Variants in BPI observed in about 807,000 individuals in gnomAD.
The protein encoded by BPI is bactericidal permeability-increasing protein.
BPI carries 48 observed loss-of-function variants against 57.6 expected under a neutral mutation model. The observed-to-expected ratio is 0.83, with a 90% CI of 0.66 to 1.06. The LOEUF (loss-of-function observed/expected upper bound fraction) is 1.06. BPI is among the 50% of genes least tolerant of loss of function. The pLI is 0.00. For synonymous variants in BPI, 237 were observed against 238.2 expected (o/e 0.99, Z 0.05); for missense variants, 651 against 609.7 (o/e 1.07, Z -0.71).
At chr20:38,335,749 C>G in intron 14 of BPI, 75 bp downstream of exon 14, 11 of 1,441,482 alleles carry the variant, frequency 7.6e-6, no homozygotes, top group Non-Finnish European at 1.1e-5. Flanking sequence ...GCAATGCTTC[C>G]TGCATGCCAA....
Position 38,310,518 on chromosome 20 carries a change from C to G in BPI, c.402C>G (p.Ser134Arg), listed in dbSNP as rs754318437. The G allele has an allele frequency of 6.2e-7, 1 of 1,614,056 alleles. No individual in the cohort carries two copies. Among genetic ancestry groups the G allele is most frequent in the Non-Finnish European group, 8.5e-7 (1 of 1,179,936 alleles). Reference sequence around the variant, plus strand: ...AAATGAGCGGCAATTTTGACCTGAGCATAGAAGGCATGTCCATTTCGGCTG... The same window carrying G: ...AAATGAGCGGCAATTTTGACCTGAGGATAGAAGGCATGTCCATTTCGGCTG... The part of the protein sequence containing the change: ...FLKMSGNFDL[S>R]IEGMSISADL... The change falls in exon 4 of 15, where the codon AGC (serine) becomes AGG (arginine). Residue 134 changes from serine to arginine, a missense_variant. Coordinates refer to ENST00000642449, the MANE Select transcript of BPI (RefSeq NM_001725.3).
chr20:38,334,313 G>A (rs1229433256), intron 12 of BPI, 117 bp from the exon 13 acceptor site: 44 of 968,874 alleles, frequency 4.5e-5, no homozygotes, highest in Admixed American at 3.1e-4. Flanking sequence ...CCAACTGCGC[G>A]GTTGCTGAGC....
At position 38,308,915 on chromosome 20, in the gene BPI, A is replaced by G. The variant is rs775945607; in HGVS notation, c.246-15A>G. On this transcript the variant is annotated splice_polypyrimidine_tract_variant and intron_variant, in intron 2 of 14. Coordinates refer to ENST00000642449, the MANE Select transcript of BPI (RefSeq NM_001725.3). ...GTATATGAAATTATATGACATTCAC[A>G]TTTCTCCTTTGCAGCATGGACATCC... 3.1e-6 allele frequency: 5 copies of G among 1,614,006 alleles called. No individual in the cohort carries two copies. Among genetic ancestry groups the G allele is most frequent in the Non-Finnish European group, 4.2e-6 (5 of 1,179,926 alleles).
At chr20:38,320,897 G>A (rs1444184421) in intron 7 of BPI, among the ~76,000 whole-genome samples, 20 of 121,806 alleles carry the variant, frequency 1.6e-4, no homozygotes, top group Admixed American at 2.4e-4. Flanking sequence ...GTGGGTGGGT[G>A]GGTGGATGGA....
intron 6 of BPI, among the ~76,000 whole-genome samples, 157 bp downstream of exon 6, chr20:38,318,633 A>G (rs142021713): frequency 3.9e-4 from 59 of 152,304 alleles, no homozygotes; most frequent in African/African-American, 1.4e-3. Flanking sequence ...GGCAGCTAGC[A>G]TTGGGTCAAG....
In BPI at chr20:38,326,440, G is replaced by T; in HGVS notation, c.1161+8G>T. The stretch of plus-strand genomic sequence containing the variant: ...CTCTTCCTGATTGGCATGGTAAGCA[G>T]TTCCTGGGTTGGACAGATGAGGAGC... On this transcript the variant is annotated splice_region_variant and intron_variant, in intron 10 of 14. Transcript: ENST00000642449. 1 of 1,610,946 alleles carries T rather than the reference G, an allele frequency of 6.2e-7. No individual in the cohort carries two copies. The highest frequency in any genetic ancestry group is 8.5e-7 in the Non-Finnish European group (1 of 1,178,520).
Position 38,317,615 on chromosome 20 carries a change from G to A in BPI, c.601-798G>A, listed in dbSNP as rs749489674. 10 of 718,670 alleles carry A rather than the reference G, an allele frequency of 1.4e-5. No homozygotes were observed. In the South Asian group the frequency reaches 1.5e-4, roughly 11 times the overall value. 44.5% of individuals were successfully genotyped at this position (718,670 alleles called of 1,614,324 possible). A position where few individuals can be genotyped will look rare whatever the true frequency, so the allele number is the denominator to read the frequency against. The stretch of plus-strand genomic sequence containing the variant: ...AAGTTACACAAAGGTCAGGTGTATT[G>A]TTGTGTTCTGTTGCTTAGAAGCAAG... On this transcript the variant is annotated intron_variant, in intron 5 of 14. Coordinates refer to ENST00000642449, the MANE Select transcript of BPI (RefSeq NM_001725.3).
intron 7 of BPI, among the ~76,000 whole-genome samples, chr20:38,323,430 T>A (rs2076696527): frequency 6.6e-6 from 1 of 152,248 alleles, no homozygotes. Flanking sequence ...TTTCCTCTTT[T>A]CCCATTTTGC....
intron 1 of BPI, among the ~76,000 whole-genome samples, chr20:38,307,127 G>C (rs142054156): frequency 6.6e-6 from 1 of 152,040 alleles, no homozygotes; most frequent in Non-Finnish European, 1.5e-5. Flanking sequence ...TAAGTGCAGC[G>C]GGTCGAGGTT....
chr20:38,321,616 G>C (rs558967845), intron 7 of BPI: 1 of 152,198 alleles, frequency 6.6e-6, no homozygotes, highest in Admixed American at 6.5e-5. Context: ...CCATATTGGT[G>C]ATTTGCTTGT....
At chr20:38,324,322 T>C (rs572036952) in intron 8 of BPI, among the ~76,000 whole-genome samples, 1 of 152,218 alleles carries the variant, frequency 6.6e-6, no homozygotes, top group African/African-American at 2.4e-5. Context: ...GAGATAGTAA[T>C]GCCTGATTAA....
At chr20:38,324,939 A>G in intron 9 of BPI, 106 bp downstream of exon 9, 1 of 910,884 alleles carries the variant, frequency 1.1e-6, no homozygotes, top group Non-Finnish European at 1.8e-6. Flanking sequence ...CACACACAAG[A>G]TCCAGAAACA....
intron 7 of BPI, among the ~76,000 whole-genome samples, chr20:38,320,992 A>T (rs2076679966): frequency 6.1e-4 from 2 of 3,274 alleles, no homozygotes; most frequent in Non-Finnish European, 1.2e-3. Flanking sequence ...GTGGGTAGAC[A>T]GGTGGATGGG....
At chr20:38,327,535 T>C in intron 10 of BPI, 53 bp from the exon 11 acceptor site, 1 of 1,603,376 alleles carries the variant, frequency 6.2e-7, no homozygotes, top group South Asian at 1.1e-5. Flanking sequence ...TTGGAGGCCT[T>C]GCAATCAGGT....
intron 2 of BPI, among the ~76,000 whole-genome samples, chr20:38,308,587 C>T (rs1332424928): frequency 6.6e-6 from 1 of 152,218 alleles, no homozygotes; most frequent in African/African-American, 2.4e-5. Context: ...AAAGGGCCTT[C>T]TATTTTATCT....
intron 11 of BPI, 75 bp downstream of exon 11, chr20:38,327,730 A>T: frequency 1.3e-6 from 2 of 1,513,702 alleles, no homozygotes; most frequent in Non-Finnish European, 1.8e-6. Context: ...TGGTCCTGTG[A>T]TATACAGAAG....
At chr20:38,314,423 G>C (rs1216272368) in intron 5 of BPI, among the ~76,000 whole-genome samples, 1 of 150,650 alleles carries the variant, frequency 6.6e-6, no homozygotes, top group Non-Finnish European at 1.5e-5. Context: ...TGATGATGAT[G>C]ATGGTGATGG....
chr20:38,327,531 G>T, intron 10 of BPI, 57 bp from the exon 11 acceptor site: 1 of 1,595,280 alleles, frequency 6.3e-7, no homozygotes, highest in Non-Finnish European at 8.6e-7. Flanking sequence ...TGGTTTGGAG[G>T]CCTTGCAATC....
chr20:38,335,994 G>A (rs539058823), intron 14 of BPI, among the ~76,000 whole-genome samples: 3 of 152,258 alleles, frequency 2.0e-5, no homozygotes, highest in East Asian at 1.9e-4. Context: ...AATATTTAAC[G>A]AATATATGTT....
Sources: gnomAD v4.1 joint callset for allele counts (sites outside exome capture counted in the v4.1 genomes callset) on GRCh38, gnomAD v4.1.1 for gene constraint, MANE v1.5 for transcripts, NCBI Gene and HGNC (gene_info 2026-07-23, HGNC 2026-07-21) for gene names.